Variants in CDH22 observed in about 807,000 individuals in gnomAD.
CDH22 encodes the protein cadherin 22.
CDH22 carries 30 observed loss-of-function variants against 58.4 expected under a neutral mutation model. The ratio of observed to expected loss-of-function variants is 0.51; its 90% CI spans 0.38 to 0.70. The LOEUF (loss-of-function observed/expected upper bound fraction) is 0.70. Ranked by LOEUF, CDH22 falls within the 30% of genes least tolerant of loss-of-function variation. The pLI is 0.00. For synonymous variants in CDH22, 513 were observed against 558.2 expected (o/e 0.92, Z 1.14); for missense variants, 1,014 against 1,233.9 (o/e 0.82, Z 2.67).
chr20:46,297,698 A>T (rs2145782656), intron 1 of CDH22, among the ~76,000 whole-genome samples: 1 of 146,662 alleles, frequency 6.8e-6, no homozygotes, highest in South Asian at 2.2e-4. Context: ...GGGTTCTGGG[A>T]GGGGCTCGGG....
chr20:46,194,518 G>C (rs964929460), intron 8 of CDH22, among the ~76,000 whole-genome samples: 1 of 152,166 alleles, frequency 6.6e-6, no homozygotes, highest in African/African-American at 2.4e-5. Flanking sequence ...GATGGGTATA[G>C]GGCTGGAGCC....
chr20:46,209,694 A>G (rs2086025830), intron 7 of CDH22: 1 of 152,266 alleles, frequency 6.6e-6, no homozygotes, highest in South Asian at 2.1e-4. Flanking sequence ...AGACAGCAGA[A>G]TTCGCTAATG....
In CDH22 at chr20:46,216,613, G is replaced by A. The variant is rs1480206041; in HGVS notation, c.838+213C>T. Among the ~76,000 whole-genome samples the A allele has an allele frequency of 6.6e-6, 1 of 152,130 alleles. No individual in the cohort carries two copies. Among genetic ancestry groups the A allele is most frequent in the Non-Finnish European group, 1.5e-5 (1 of 68,022 alleles). The stretch of plus-strand genomic sequence containing the variant: ...GTGTTACTTGGCTCTGTGGAGCATC[G>A]GACAGCCCTGGGGTCTTCCTTGGTA... On this transcript the variant is annotated intron_variant, in intron 5 of 11. Transcript: ENST00000537909. This position sits in a 1 kb window ranked among gnomAD's most constrained non-coding sequence, Gnocchi z 5.3.
chr20:46,272,121 C>A (rs1259043420), intron 1 of CDH22, among the ~76,000 whole-genome samples: 1 of 152,210 alleles, frequency 6.6e-6, no homozygotes, highest in Non-Finnish European at 1.5e-5. Flanking sequence ...AAGTCTGGTC[C>A]ACTTTACCTT....
intron 3 of CDH22, among the ~76,000 whole-genome samples, chr20:46,232,380 G>A (rs2086225694): frequency 6.6e-6 from 1 of 152,112 alleles, no homozygotes; most frequent in Non-Finnish European, 1.5e-5. Context: ...TTGGGCCTCA[G>A]TTCCCCTTCT....
Position 46,265,123 on chromosome 20 carries a change from C to T in CDH22, c.-399-13430G>A, listed in dbSNP as rs1318284467. ...TACATCCCGAGCTGCTGTTTTACAC[C>T]GCGCCCTGTCAGAACTCACTGCAGC... On this transcript the variant is annotated intron_variant, in intron 1 of 11. Coordinates refer to ENST00000537909, the MANE Select transcript of CDH22 (RefSeq NM_021248.3). Among the ~76,000 whole-genome samples, 3 of 152,178 alleles carry T rather than the reference C, an allele frequency of 2.0e-5. No individual in the cohort carries two copies. In the East Asian group the frequency reaches 5.8e-4, roughly 29 times the overall value.
At chr20:46,189,935 G>T (rs1035115408) in intron 8 of CDH22, among the ~76,000 whole-genome samples, 1 of 151,152 alleles carries the variant, frequency 6.6e-6, no homozygotes, top group Non-Finnish European at 1.5e-5. Flanking sequence ...GATGCCCAAA[G>T]CTTGGTCAGT....
chr20:46,258,113 C>G (rs1391330594), intron 1 of CDH22, among the ~76,000 whole-genome samples: 1 of 152,100 alleles, frequency 6.6e-6, no homozygotes, highest in Non-Finnish European at 1.5e-5. Flanking sequence ...TTGACTTGAC[C>G]ATTGGAGTTA....
chr20:46,304,671 G>A (rs918285674), intron 1 of CDH22, among the ~76,000 whole-genome samples: 1 of 152,202 alleles, frequency 6.6e-6, no homozygotes, highest in African/African-American at 2.4e-5. Context: ...GGGGGAAGAA[G>A]GGAATTCCTC....
At chr20:46,225,522 A>G (rs2086164970) in intron 4 of CDH22, among the ~76,000 whole-genome samples, 1 of 152,216 alleles carries the variant, frequency 6.6e-6, no homozygotes. Context: ...ATTTTCTTGT[A>G]CATGTACAGA....
chr20:46,183,143 C>T (rs2085800943), intron 10 of CDH22, among the ~76,000 whole-genome samples: 1 of 152,146 alleles, frequency 6.6e-6, no homozygotes, highest in African/African-American at 2.4e-5. Flanking sequence ...CAGGATACTA[C>T]TGGACTAATG....
In CDH22 at chr20:46,178,621, A is replaced by G. The variant is rs1162129177; in HGVS notation, c.1664-424T>C. Among the ~76,000 whole-genome samples, 5 of 111,356 alleles carry G rather than the reference A, an allele frequency of 4.5e-5. No homozygotes were observed. In the East Asian group the frequency reaches 1.0e-3, roughly 23 times the overall value. 73.1% of individuals were successfully genotyped at this position (111,356 alleles called of 152,430 possible). On this transcript the variant is annotated intron_variant, in intron 10 of 11. Coordinates refer to ENST00000537909, the MANE Select transcript of CDH22 (RefSeq NM_021248.3). The stretch of plus-strand genomic sequence containing the variant: ...TTTTTTTTTTTTGCCATTTGTCTCA[A>G]CAGCTTGTTTTTGCTCTAGATTCCA...
At chr20:46,203,623 G>T (rs988004911) in intron 7 of CDH22, among the ~76,000 whole-genome samples, 1 of 152,210 alleles carries the variant, frequency 6.6e-6, no homozygotes, top group Admixed American at 6.5e-5. Context: ...AGAATGAAAC[G>T]CATGTAAGGT....
intron 7 of CDH22, among the ~76,000 whole-genome samples, chr20:46,208,558 A>G (rs563585706): frequency 6.6e-6 from 1 of 150,582 alleles, no homozygotes; most frequent in African/African-American, 2.4e-5. Context: ...CTCTTTTTTC[A>G]GTCTTTATTT....
chr20:46,265,089 A>G (rs938036549), intron 1 of CDH22, among the ~76,000 whole-genome samples: 3 of 152,180 alleles, frequency 2.0e-5, no homozygotes, highest in Non-Finnish European at 2.9e-5. Context: ...TCATGTTGAC[A>G]GTAGAAATTA....
intron 4 of CDH22, 51 bp downstream of exon 4, chr20:46,227,457 G>GC: frequency 7.3e-6 from 4 of 546,442 alleles, no homozygotes; most frequent in African/African-American, 2.0e-5. Context: ...GTCCCGCCCC[G>GC]CCCCTGGCCC....
Position 46,213,189 on chromosome 20 carries a change from C to G in CDH22, c.839-1G>C. The G allele has an allele frequency of 6.2e-7, 1 of 1,613,934 alleles. No homozygotes were observed. The highest frequency in any genetic ancestry group is 8.5e-7 in the Non-Finnish European group (1 of 1,179,912). On this transcript the variant is annotated splice_acceptor_variant, in intron 5 of 11. Coordinates refer to ENST00000537909, the MANE Select transcript of CDH22 (RefSeq NM_021248.3). LOFTEE classifies it high-confidence loss of function. ...TCCTGGATGCTGAACTGGTACATCT[C>G]TGTGGGGGACACGGCCATGAGCAGG...
At chr20:46,294,423 G>A (rs2145779656) in intron 1 of CDH22, among the ~76,000 whole-genome samples, 2 of 152,316 alleles carry the variant, frequency 1.3e-5, no homozygotes, top group South Asian at 4.1e-4. Context: ...AGGAGATGGG[G>A]ACACACCAGA....
intron 1 of CDH22, among the ~76,000 whole-genome samples, chr20:46,301,886 G>T (rs1025504149): frequency 2.6e-4 from 39 of 152,300 alleles, no homozygotes; most frequent in African/African-American, 9.4e-4. Context: ...GACAACGAAA[G>T]AATGAGGCTG....
Sources: allele counts gnomAD v4.1 joint callset (sites outside exome capture counted in the v4.1 genomes callset), GRCh38; gene constraint gnomAD v4.1.1; non-coding constraint Gnocchi (gnomAD v3.1); transcripts MANE v1.5; gene names NCBI Gene and HGNC (gene_info 2026-07-23, HGNC 2026-07-21).